LHFPL3: variants seen among roughly 807,000 people sequenced by gnomAD.
LHFPL3 encodes LHFPL tetraspan subfamily member 3 protein.
LHFPL3 carries 5 observed loss-of-function variants against 19.3 expected under a neutral mutation model. That is an observed-to-expected ratio of 0.26 (90% CI 0.14 to 0.54). LHFPL3 has a LOEUF of 0.54. LHFPL3 is among the 20% of genes least tolerant of loss of function. LHFPL3 has a pLI of 0.94. For synonymous variants in LHFPL3, 133 were observed against 126.2 expected, an observed-to-expected ratio of 1.05 and a Z score of -0.36; for missense variants, 249 against 307.4, an observed-to-expected ratio of 0.81 and a Z score of 1.42.
At chr7:104,832,282 T>C (rs1192035267) in intron 2 of LHFPL3, among the ~76,000 whole-genome samples, 1 of 151,960 alleles carries the variant, frequency 6.6e-6, no homozygotes, top group Non-Finnish European at 1.5e-5. Context: ...ACAATATTAA[T>C]ATCCCTAGCA....
chr7:104,607,037 A>G (rs1213024532), intron 1 of LHFPL3, among the ~76,000 whole-genome samples: 2 of 152,234 alleles, frequency 1.3e-5, no homozygotes, highest in Admixed American at 1.3e-4. Context: ...CCTTATGACC[A>G]CTGACCACGT....
chr7:104,368,508 A>C (rs1790540826), intron 1 of LHFPL3, among the ~76,000 whole-genome samples: 1 of 151,962 alleles, frequency 6.6e-6, no homozygotes, highest in African/African-American at 2.4e-5. Context: ...GCGGCGCGTA[A>C]TCTCCTCCTT....
At chr7:104,806,641 T>C (rs1790366582) in intron 2 of LHFPL3, among the ~76,000 whole-genome samples, 1 of 152,256 alleles carries the variant, frequency 6.6e-6, no homozygotes, top group Non-Finnish European at 1.5e-5. Flanking sequence ...AAAAAAATCC[T>C]GAATTGATTA....
At chr7:104,614,074 C>T (rs1791261253) in intron 1 of LHFPL3, among the ~76,000 whole-genome samples, 1 of 152,104 alleles carries the variant, frequency 6.6e-6, no homozygotes, top group Non-Finnish European at 1.5e-5. Context: ...ACTGGCAAGA[C>T]ACTGGCAGAT....
At chr7:104,549,971 C>T (rs893725023) in intron 1 of LHFPL3, among the ~76,000 whole-genome samples, 2 of 152,076 alleles carry the variant, frequency 1.3e-5, no homozygotes, top group Admixed American at 6.6e-5. Context: ...GATGTGTGTA[C>T]AGAGGGAGAT....
At chr7:104,535,230 G>T (rs74694733) in intron 1 of LHFPL3, among the ~76,000 whole-genome samples, 1 of 152,156 alleles carries the variant, frequency 6.6e-6, no homozygotes, top group African/African-American at 2.4e-5. Flanking sequence ...ATTATTTCAC[G>T]TCTCTGGAAA....
chr7:104,487,188 C>T (rs866030630), intron 1 of LHFPL3, among the ~76,000 whole-genome samples: 2 of 152,062 alleles, frequency 1.3e-5, no homozygotes, highest in Admixed American at 6.6e-5. Context: ...TATCATAGGC[C>T]AATTGATATG....
chr7:104,424,946 C>T (rs1412549200), intron 1 of LHFPL3, among the ~76,000 whole-genome samples: 3 of 135,654 alleles, frequency 2.2e-5, no homozygotes, highest in Non-Finnish European at 4.5e-5. Context: ...CACGCCACTA[C>T]ACTCCAGCCT....
intron 1 of LHFPL3, among the ~76,000 whole-genome samples, chr7:104,361,737 T>C (rs1315949097): frequency 1.3e-5 from 2 of 152,232 alleles, no homozygotes; most frequent in Non-Finnish European, 2.9e-5. Flanking sequence ...GATCTGATGA[T>C]TAAATGTATG....
In LHFPL3 at chr7:104,399,361, A is replaced by C. The variant is rs1409542057; in HGVS notation, c.445+70137A>C. Among the ~76,000 whole-genome samples, 6 of 151,758 alleles carry C rather than the reference A, an allele frequency of 4.0e-5. 1 individual carries two copies. Among genetic ancestry groups the C allele is most frequent in the Admixed American group, 2.0e-4 (3 of 15,240 alleles). On this transcript the variant is annotated intron_variant, in intron 1 of 2. Transcript: ENST00000424859. This position sits in a 1 kb window ranked among gnomAD's most constrained non-coding sequence, Gnocchi z 4.4. ...ATGTAACTTTACTATTGCTCTGATA[A>C]TTTTTTTCCCATTTATCCTGTAACT...
intron 2 of LHFPL3, among the ~76,000 whole-genome samples, chr7:104,819,554 A>T (rs1394007412): frequency 3.3e-5 from 5 of 152,122 alleles, no homozygotes; most frequent in Admixed American, 1.3e-4. Context: ...CTCTCATTTA[A>T]AAAACAAAAA....
intron 2 of LHFPL3, among the ~76,000 whole-genome samples, chr7:104,761,115 A>C (rs1794364534): frequency 2.0e-5 from 3 of 152,116 alleles, no homozygotes; most frequent in Non-Finnish European, 4.4e-5. Flanking sequence ...TCAAAACTGC[A>C]AAGAGAGGCA....
chr7:104,548,955 G>A (rs1328747568), intron 1 of LHFPL3, among the ~76,000 whole-genome samples: 4 of 152,118 alleles, frequency 2.6e-5, no homozygotes, highest in African/African-American at 9.7e-5. Context: ...TAGCCTCTAA[G>A]GGATTCTTTG....
Position 104,638,138 on chromosome 7 carries a change from A to AT in LHFPL3, c.446-98531dup, listed in dbSNP as rs1012105479. On this transcript the variant is annotated intron_variant, in intron 1 of 2. Coordinates refer to ENST00000424859, the MANE Select transcript of LHFPL3 (RefSeq NM_199000.3). ...TTAGCTGTATTCCTAGGAATTTTAT[A>AT]TTTTTTGTGGCAATTGTGAATGAAA... Among the ~76,000 whole-genome samples the AT allele has an allele frequency of 2.6e-5, 4 of 151,846 alleles. No homozygotes were observed. The East Asian group carries it at 5.8e-4, about 22-fold the overall frequency.
intron 1 of LHFPL3, among the ~76,000 whole-genome samples, chr7:104,532,760 T>TC (rs1163704533): frequency 2.6e-5 from 4 of 152,162 alleles, no homozygotes; most frequent in Non-Finnish European, 5.9e-5. Context: ...TACATTACTA[T>TC]CACAAAAATT....
chr7:104,754,187 C>T (rs1261734331), intron 2 of LHFPL3, among the ~76,000 whole-genome samples: 1 of 151,924 alleles, frequency 6.6e-6, no homozygotes, highest in East Asian at 1.9e-4. Context: ...TAAATGAACA[C>T]ATAGCGAAGT....
intron 2 of LHFPL3, among the ~76,000 whole-genome samples, chr7:104,887,528 A>T (rs1344573773): frequency 6.6e-6 from 1 of 152,250 alleles, no homozygotes; most frequent in African/African-American, 2.4e-5. Flanking sequence ...GAGGACTGCT[A>T]GAGGTAAGGG....
At position 104,329,240 on chromosome 7, in the gene LHFPL3, C is replaced by T. The variant is rs1441189037; in HGVS notation, c.445+16C>T. On this transcript the variant is annotated intron_variant, in intron 1 of 2. Coordinates refer to ENST00000424859, the MANE Select transcript of LHFPL3 (RefSeq NM_199000.3). ...CTCACCTCCGGTGAGTGCGCGCTCA[C>T]CTCCGCGGAGGCGGAGGACCCCGGG... 4 of 1,578,014 alleles carry T rather than the reference C, an allele frequency of 2.5e-6. No individual in the cohort carries two copies. In the East Asian group the frequency reaches 9.1e-5, roughly 36 times the overall value.
At chr7:104,346,646 GACAC>G (rs1790072295) in intron 1 of LHFPL3, among the ~76,000 whole-genome samples, 1 of 151,230 alleles carries the variant, frequency 6.6e-6, no homozygotes, top group South Asian at 2.1e-4. Flanking sequence ...CACTTCCAGT[GACAC>G]ACGTATGTAG....
Sources: gnomAD v4.1 joint callset for allele counts (sites outside exome capture counted in the v4.1 genomes callset) on GRCh38, gnomAD v4.1.1 for gene constraint, Gnocchi (gnomAD v3.1) non-coding constraint, MANE v1.5 for transcripts, NCBI Gene and HGNC (gene_info 2026-07-23, HGNC 2026-07-21) for gene names.